The following LHFPL3 variants were observed in gnomAD, a reference collection of about 807,000 sequenced individuals.
LHFPL3 encodes the protein LHFPL tetraspan subfamily member 3.
A neutral mutation model predicts 19.3 loss-of-function variants in LHFPL3; 5 were observed. That is an observed-to-expected ratio of 0.26 (90% CI 0.14 to 0.54). The LOEUF (loss-of-function observed/expected upper bound fraction) is 0.54, where lower values mean the gene tolerates loss of function less well. LHFPL3 is among the 20% of genes least tolerant of loss of function. The pLI is 0.94. For synonymous variants in LHFPL3, 133 were observed against 126.2 expected (o/e 1.05, Z -0.36); for missense variants, 249 against 307.4 (o/e 0.81, Z 1.42).
chr7:104,700,355 G>C lies in LHFPL3; in HGVS notation c.446-36320G>C, dbSNP rs78814109. On this transcript the variant is annotated intron_variant, in intron 1 of 2. Coordinates refer to ENST00000424859, the MANE Select transcript of LHFPL3 (RefSeq NM_199000.3). Reference sequence around the variant, plus strand: ...CGCCCCAAGGTCAAGAGCCAGATTAGTGGAGCCACTGTGTTCTTGAGAAAT... The same window carrying C: ...CGCCCCAAGGTCAAGAGCCAGATTACTGGAGCCACTGTGTTCTTGAGAAAT... Among the ~76,000 whole-genome samples, 651 of 152,296 alleles carry C rather than the reference G, an allele frequency of 4.3e-3. 23 individuals carry two copies. The East Asian group carries it at 0.091, about 21-fold the overall frequency.
At chr7:104,443,418 T>C (rs557604491) in intron 1 of LHFPL3, among the ~76,000 whole-genome samples, 1 of 152,320 alleles carries the variant, frequency 6.6e-6, no homozygotes, top group Non-Finnish European at 1.5e-5. Context: ...CTCTGATTAT[T>C]GTGTAACTTA....
intron 1 of LHFPL3, among the ~76,000 whole-genome samples, chr7:104,499,163 G>A (rs867685804): frequency 2.0e-5 from 3 of 152,256 alleles, no homozygotes; most frequent in South Asian, 2.1e-4. Context: ...ACTACCTTAT[G>A]AGGAAAAGAG....
intron 2 of LHFPL3, among the ~76,000 whole-genome samples, chr7:104,819,738 G>A (rs913463358): frequency 6.6e-6 from 1 of 152,168 alleles, no homozygotes; most frequent in Non-Finnish European, 1.5e-5. Flanking sequence ...TTATATTGGA[G>A]CTTGCTGATA....
intron 2 of LHFPL3, among the ~76,000 whole-genome samples, chr7:104,860,810 T>C (rs944407217): frequency 5.3e-4 from 80 of 152,312 alleles, no homozygotes; most frequent in African/African-American, 1.9e-3. Flanking sequence ...AAAAATTAAA[T>C]AAAATATTTA....
At chr7:104,778,464 T>C (rs1794667787) in intron 2 of LHFPL3, among the ~76,000 whole-genome samples, 1 of 152,114 alleles carries the variant, frequency 6.6e-6, no homozygotes, top group African/African-American at 2.4e-5. Flanking sequence ...CGTCCTGAGC[T>C]CCCCAGATTC....
intron 2 of LHFPL3, among the ~76,000 whole-genome samples, chr7:104,742,878 G>A (rs1301535653): frequency 6.6e-6 from 1 of 152,086 alleles, no homozygotes; most frequent in African/African-American, 2.4e-5. Context: ...AAAGGGGATG[G>A]GAGGCCGAGT....
chr7:104,789,536 T>G (rs557756456), intron 2 of LHFPL3, among the ~76,000 whole-genome samples: 2 of 152,258 alleles, frequency 1.3e-5, no homozygotes, highest in Non-Finnish European at 1.5e-5. Flanking sequence ...AGACTCCAGC[T>G]TTCTGTCCCT....
intron 1 of LHFPL3, among the ~76,000 whole-genome samples, chr7:104,353,377 A>C (rs1302282671): frequency 6.6e-6 from 1 of 152,170 alleles, no homozygotes; most frequent in Non-Finnish European, 1.5e-5. Flanking sequence ...AAGGGACCAC[A>C]GTTTTCTCAA....
chr7:104,474,876 C>T (rs1323464329), intron 1 of LHFPL3, among the ~76,000 whole-genome samples: 1 of 151,690 alleles, frequency 6.6e-6, no homozygotes, highest in African/African-American at 2.4e-5. Flanking sequence ...AAGCACACGC[C>T]AAGATACAAT....
chr7:104,508,164 G>A (rs1224141348), intron 1 of LHFPL3, among the ~76,000 whole-genome samples: 1 of 152,124 alleles, frequency 6.6e-6, no homozygotes, highest in Non-Finnish European at 1.5e-5. Flanking sequence ...GCACACGTAT[G>A]TTTATTGCGG....
chr7:104,513,303 C>G (rs1037774444), intron 1 of LHFPL3, among the ~76,000 whole-genome samples: 1 of 152,140 alleles, frequency 6.6e-6, no homozygotes, highest in Middle Eastern at 3.2e-3. Context: ...GCCCATATGA[C>G]TTACTTGTGC....
At chr7:104,638,058 G>T (rs1224913664) in intron 1 of LHFPL3, among the ~76,000 whole-genome samples, 2 of 151,996 alleles carry the variant, frequency 1.3e-5, no homozygotes, top group East Asian at 3.9e-4. Context: ...TGTCATCTAT[G>T]ATTTCTTTGA....
intron 1 of LHFPL3, among the ~76,000 whole-genome samples, chr7:104,340,516 C>T (rs1789926405): frequency 6.6e-6 from 1 of 152,108 alleles, no homozygotes; most frequent in Admixed American, 6.6e-5. Context: ...TGTTACTATT[C>T]CTACTACTAC....
chr7:104,696,810 A>G (rs1367168977), intron 1 of LHFPL3, among the ~76,000 whole-genome samples: 1 of 152,194 alleles, frequency 6.6e-6, no homozygotes, highest in Non-Finnish European at 1.5e-5. Context: ...GAGTTGCTGT[A>G]TAAAAAATAA....
intron 2 of LHFPL3, among the ~76,000 whole-genome samples, chr7:104,830,212 T>C (rs1251122369): frequency 6.6e-6 from 1 of 152,076 alleles, no homozygotes; most frequent in African/African-American, 2.4e-5. Context: ...TTTGAGTTCA[T>C]TGTAGATTCT....
At chr7:104,629,489 A>G (rs114208949) in intron 1 of LHFPL3, among the ~76,000 whole-genome samples, 1,637 of 152,282 alleles carry the variant, frequency 0.011, 24 homozygotes, top group African/African-American at 0.037. Flanking sequence ...AGCACCTTCT[A>G]TCTTCCTCAA....
chr7:104,743,575 T>C (rs1281058463), intron 2 of LHFPL3, among the ~76,000 whole-genome samples: 1 of 152,240 alleles, frequency 6.6e-6, no homozygotes, highest in African/African-American at 2.4e-5. Flanking sequence ...AAGCAATTTA[T>C]AATCAATAAT....
intron 2 of LHFPL3, among the ~76,000 whole-genome samples, chr7:104,779,246 A>C (rs1794680566): frequency 6.6e-6 from 1 of 152,212 alleles, no homozygotes; most frequent in Admixed American, 6.5e-5. Flanking sequence ...ATAGGTGTAA[A>C]GCATGTCAGC....
chr7:104,497,753 T>C (rs1428015964), intron 1 of LHFPL3, among the ~76,000 whole-genome samples: 7 of 152,156 alleles, frequency 4.6e-5, no homozygotes, highest in Non-Finnish European at 7.4e-5. Context: ...TTGGCCCTGA[T>C]ATCCCGGTGT....
Sources: allele counts gnomAD v4.1 joint callset (sites outside exome capture counted in the v4.1 genomes callset), GRCh38; gene constraint gnomAD v4.1.1; transcripts MANE v1.5; gene names NCBI Gene and HGNC (gene_info 2026-07-23, HGNC 2026-07-21).